RBBP4: variants seen among roughly 807,000 people sequenced by gnomAD.
The protein encoded by RBBP4 is histone-binding protein RBBP4.
In RBBP4, 3 loss-of-function variants were observed where a neutral mutation model predicts 57.2. That is an observed-to-expected ratio of 0.05 (90% CI 0.02 to 0.14). The LOEUF is 0.14. Ranked by LOEUF, RBBP4 falls within the 10% of genes least tolerant of loss-of-function variation. The pLI, the probability that RBBP4 is intolerant of heterozygous loss-of-function variation, is 1.00. For synonymous variants in RBBP4, 151 were observed against 171.5 expected, an observed-to-expected ratio of 0.88 and a Z score of 0.93; for missense variants, 107 against 520.6, an observed-to-expected ratio of 0.21 and a Z score of 7.73.
chr1:32,686,140 T>C lies in RBBP4; in HGVS notation c.*6435T>C, dbSNP rs1649815230. The C allele has an allele frequency of 6.6e-6, 1 of 152,226 alleles. No homozygotes were observed. Among genetic ancestry groups the C allele is most frequent in the Non-Finnish European group, 1.5e-5 (1 of 68,038 alleles). The allele number at this position is 152,226 out of a possible 1,614,324, so 9.4% of individuals were successfully genotyped here. A position where few individuals can be genotyped will look rare whatever the true frequency, so the allele number is the denominator to read the frequency against. On this transcript the variant is annotated 3_prime_UTR_variant, in exon 12 of 12. Transcript: ENST00000373493. ...AAGACAGCACACAAAATGTAAAATATGTCAAAAATATTTGATACTGATTAC... is the reference window on the plus strand; with the variant it reads ...AAGACAGCACACAAAATGTAAAATACGTCAAAAATATTTGATACTGATTAC...
chr1:32,685,052 A>AT lies in RBBP4; in HGVS notation c.*5348dup, dbSNP rs1231854559. On this transcript the variant is annotated 3_prime_UTR_variant, in exon 12 of 12. Coordinates refer to ENST00000373493, the MANE Select transcript of RBBP4 (RefSeq NM_005610.3). ...TTTTGTATAGAGACAGGGTCTCGCT[A>AT]TGTTGCCCAGGCTGGTCTTGTTCCT... 1 of 152,114 alleles carries AT rather than the reference A, an allele frequency of 6.6e-6. No homozygotes were observed. Among genetic ancestry groups the AT allele is most frequent in the African/African-American group, 2.4e-5 (1 of 41,376 alleles). 9.4% of individuals were successfully genotyped at this position (152,114 alleles called of 1,614,324 possible).
chr1:32,662,845 G>A (rs546499979), intron 3 of RBBP4, among the ~76,000 whole-genome samples: 1 of 151,962 alleles, frequency 6.6e-6, no homozygotes, highest in East Asian at 2.0e-4. Flanking sequence ...TTAGCTGGGC[G>A]TGGTGGTGTG....
At chr1:32,673,287 A>G (rs865832761) in intron 11 of RBBP4, among the ~76,000 whole-genome samples, 2 of 152,138 alleles carry the variant, frequency 1.3e-5, no homozygotes. Flanking sequence ...TGTTTCTCCC[A>G]TCTTATCATC....
chr1:32,663,076 T>G (rs1184534192), intron 3 of RBBP4, among the ~76,000 whole-genome samples: 2 of 152,160 alleles, frequency 1.3e-5, no homozygotes, highest in Non-Finnish European at 2.9e-5. Flanking sequence ...TTACTCAAGC[T>G]GGTAGATTCT....
chr1:32,675,985 G>T (rs1649087654), intron 11 of RBBP4, among the ~76,000 whole-genome samples: 1 of 152,036 alleles, frequency 6.6e-6, no homozygotes, highest in Non-Finnish European at 1.5e-5. Flanking sequence ...TACTTGGGAG[G>T]CCGAGGCAGG....
At chr1:32,651,421 G>A in intron 1 of RBBP4, 99 bp downstream of exon 1, 1 of 1,383,184 alleles carries the variant, frequency 7.2e-7, no homozygotes, top group Non-Finnish European at 9.4e-7. Flanking sequence ...AGTTTGCCGA[G>A]TGCAGTCCCC....
At position 32,657,002 on chromosome 1, in the gene RBBP4, A is replaced by G. The variant is rs571102113; in HGVS notation, c.165-425A>G. On this transcript the variant is annotated intron_variant, in intron 2 of 11. Transcript: ENST00000373493. ...TAGAAAATATGGCTCTTGGCCAGGC[A>G]CGGTGGCTCTTGCCTGTAATCTCTG... Among the ~76,000 whole-genome samples the G allele has an allele frequency of 2.0e-5, 3 of 152,258 alleles. No individual in the cohort carries two copies. The East Asian group carries it at 5.8e-4, about 29-fold the overall frequency.
At chr1:32,657,819 TGAAA>T (rs951585565) in intron 3 of RBBP4, 9 of 390,760 alleles carry the variant, frequency 2.3e-5, no homozygotes, top group Non-Finnish European at 3.2e-5. Context: ...TTTCTGCAAT[TGAAA>T]GAAGCAAAAA....
chr1:32,670,023 T>C (rs540880290), intron 8 of RBBP4, among the ~76,000 whole-genome samples: 1 of 152,324 alleles, frequency 6.6e-6, no homozygotes, highest in South Asian at 2.1e-4. Flanking sequence ...ATTTCTATAC[T>C]TTCTCAAACT....
Position 32,680,625 on chromosome 1 carries a change from A to C in RBBP4, c.*920A>C. 1 of 1,296,828 alleles carries C rather than the reference A, an allele frequency of 7.7e-7. No individual in the cohort carries two copies. Among genetic ancestry groups the C allele is most frequent in the Non-Finnish European group, 1.1e-6 (1 of 936,032 alleles). 80.3% of individuals were successfully genotyped at this position (1,296,828 alleles called of 1,614,324 possible). On this transcript the variant is annotated 3_prime_UTR_variant, in exon 12 of 12. Coordinates refer to ENST00000373493, the MANE Select transcript of RBBP4 (RefSeq NM_005610.3). ...TCCATGACTAACTGTGTAAGTGCTTAAAATGGAATAAATTGCTTTTCTACA... is the reference window on the plus strand; with the variant it reads ...TCCATGACTAACTGTGTAAGTGCTTCAAATGGAATAAATTGCTTTTCTACA...
At chr1:32,657,350 G>A in intron 2 of RBBP4, 77 bp from the exon 3 acceptor site, 1 of 1,396,804 alleles carries the variant, frequency 7.2e-7, no homozygotes. Flanking sequence ...TAGTGACTTT[G>A]ACATACATGT....
intron 3 of RBBP4, 22 bp downstream of exon 3, chr1:32,657,594 G>T: frequency 5.6e-6 from 9 of 1,611,120 alleles, no homozygotes; most frequent in Non-Finnish European, 7.6e-6. Flanking sequence ...AAAGGTGAAA[G>T]AAGTAAAGAT....
At chr1:32,658,550 C>T (rs1570839676) in intron 3 of RBBP4, among the ~76,000 whole-genome samples, 3 of 139,622 alleles carry the variant, frequency 2.1e-5, no homozygotes. Context: ...AAACGCTTTC[C>T]TTTTTTTTTT....
chr1:32,669,198 A>G lies in RBBP4; in HGVS notation c.762-33A>G. 1 of 1,609,906 alleles carries G rather than the reference A, an allele frequency of 6.2e-7. No individual in the cohort carries two copies. Among genetic ancestry groups the G allele is most frequent in the Non-Finnish European group, 8.5e-7 (1 of 1,178,872 alleles). On this transcript the variant is annotated intron_variant, in intron 6 of 11. Transcript: ENST00000373493. This position sits in a 1 kb window ranked among gnomAD's most constrained non-coding sequence, Gnocchi z 4.9. Reference sequence around the variant, plus strand: ...AGTTTTATGTTTAGTCACCATTTCAAGGTTTTTTTCCTTTGTTTTTTTTTC... The same window carrying G: ...AGTTTTATGTTTAGTCACCATTTCAGGGTTTTTTTCCTTTGTTTTTTTTTC...
chr1:32,680,678 G>A lies in RBBP4; in HGVS notation c.*973G>A, dbSNP rs759487344. 1 of 785,622 alleles carries A rather than the reference G, an allele frequency of 1.3e-6. No individual in the cohort carries two copies. Among genetic ancestry groups the A allele is most frequent in the Middle Eastern group, 2.8e-4 (1 of 3,528 alleles). 48.7% of individuals were successfully genotyped at this position (785,622 alleles called of 1,614,324 possible). A position where few individuals can be genotyped will look rare whatever the true frequency, so the allele number is the denominator to read the frequency against. ...ACCCCATGCTGATGGGTTTTATTTA[G>A]TATAAAACATCCATCAAACACCAGT... On this transcript the variant is annotated 3_prime_UTR_variant, in exon 12 of 12. Transcript: ENST00000373493.
chr1:32,663,154 T>C (rs1436072184), intron 3 of RBBP4, among the ~76,000 whole-genome samples: 1 of 152,134 alleles, frequency 6.6e-6, no homozygotes, highest in Non-Finnish European at 1.5e-5. Flanking sequence ...TTACCTTGTT[T>C]GAGGACATAG....
Position 32,680,706 on chromosome 1 carries a change from C to A in RBBP4, c.*1001C>A. 1.6e-6 allele frequency: 1 copy of A among 639,754 alleles called. No individual in the cohort carries two copies. Among genetic ancestry groups the A allele is most frequent in the Non-Finnish European group, 2.6e-6 (1 of 382,766 alleles). 39.6% of individuals were successfully genotyped at this position (639,754 alleles called of 1,614,324 possible). A position where few individuals can be genotyped will look rare whatever the true frequency, so the allele number is the denominator to read the frequency against. Reference sequence around the variant, plus strand: ...TAAAACATCCATCAAACACCAGTCTCTGGCTTCTAGAAGAGTCCTTCAGAT... The same window carrying A: ...TAAAACATCCATCAAACACCAGTCTATGGCTTCTAGAAGAGTCCTTCAGAT... On this transcript the variant is annotated 3_prime_UTR_variant, in exon 12 of 12. Coordinates refer to ENST00000373493, the MANE Select transcript of RBBP4 (RefSeq NM_005610.3).
rs1648925912 is a variant in RBBP4 at position 32,672,628 on chromosome 1, T to C, written c.1044-14T>C. 6.2e-7 allele frequency: 1 copy of C among 1,613,358 alleles called. No homozygotes were observed. The highest frequency in any genetic ancestry group is 1.7e-4 in the Middle Eastern group (1 of 6,060). ...AAATCTGTTTTAACTTTTAAAATTA[T>C]GCTTTTGTACTAGTAAAATTGGAGA... On this transcript the variant is annotated splice_polypyrimidine_tract_variant and intron_variant, in intron 9 of 11. Transcript: ENST00000373493.
Position 32,669,631 on chromosome 1 carries a change from C to T in RBBP4, c.966+68C>T, listed in dbSNP as rs911765772. 5 of 1,533,674 alleles carry T rather than the reference C, an allele frequency of 3.3e-6. No individual in the cohort carries two copies. The African/African-American group carries it at 4.2e-5, about 13-fold the overall frequency. Reference sequence around the variant, plus strand: ...ACCTGCTGGGCGCGGTCGCTCACGCCTGTAATCCCAGCACTTTGGGAGGCT... The same window carrying T: ...ACCTGCTGGGCGCGGTCGCTCACGCTTGTAATCCCAGCACTTTGGGAGGCT... On this transcript the variant is annotated intron_variant, in intron 8 of 11. Coordinates refer to ENST00000373493, the MANE Select transcript of RBBP4 (RefSeq NM_005610.3). The surrounding 1 kb of genome is among the most constrained non-coding windows in gnomAD (Gnocchi z 4.9).
Sources: gnomAD v4.1 joint callset for allele counts (sites outside exome capture counted in the v4.1 genomes callset) on GRCh38, gnomAD v4.1.1 for gene constraint, Gnocchi (gnomAD v3.1) non-coding constraint, MANE v1.5 for transcripts, NCBI Gene and HGNC (gene_info 2026-07-23, HGNC 2026-07-21) for gene names.